SLC38A8: variants seen among roughly 807,000 people sequenced by gnomAD.
The protein encoded by SLC38A8 is solute carrier family 38 member 8.
In SLC38A8, 65 loss-of-function variants were observed where a neutral mutation model predicts 46.0. That is an observed-to-expected ratio of 1.41 (90% CI 1.16 to 1.74). SLC38A8 has a LOEUF of 1.74. Ranked by LOEUF, SLC38A8 falls within the 40% of genes most tolerant of loss-of-function variation. SLC38A8 has a pLI of 0.00. For synonymous variants in SLC38A8, 447 were observed against 243.7 expected (o/e 1.83, Z -7.77); for missense variants, 998 against 567.9 (o/e 1.76, Z -7.70).
At chr16:84,017,743 A>T (rs7190846) in intron 7 of SLC38A8, among the ~76,000 whole-genome samples, 104,528 of 151,802 alleles carry the variant, frequency 0.69, 37,628 homozygotes, top group African/African-American at 0.89. Context: ...GACTGAGGAC[A>T]AGAGCGCCAT....
chr16:84,037,211 T>C (rs182715429), intron 2 of SLC38A8, among the ~76,000 whole-genome samples: 87 of 152,324 alleles, frequency 5.7e-4, no homozygotes, highest in Middle Eastern at 6.8e-3. Flanking sequence ...GTGTTTAAGT[T>C]ACTCTCCTAA....
chr16:84,039,505 G>A (rs746228380), intron 2 of SLC38A8, among the ~76,000 whole-genome samples: 8 of 152,152 alleles, frequency 5.3e-5, no homozygotes, highest in Admixed American at 2.0e-4. Context: ...AGCACTTTGG[G>A]AGGCCAAGGC....
intron 7 of SLC38A8, among the ~76,000 whole-genome samples, chr16:84,021,271 C>T (rs143802886): frequency 7.2e-5 from 11 of 152,252 alleles, no homozygotes; most frequent in African/African-American, 2.4e-4. Context: ...TACCATGTTT[C>T]ACAGGCTGGT....
At chr16:84,018,906 C>G (rs926589403) in intron 7 of SLC38A8, among the ~76,000 whole-genome samples, 1 of 152,012 alleles carries the variant, frequency 6.6e-6, no homozygotes, top group African/African-American at 2.4e-5. Context: ...AAGGCTAGTT[C>G]AATAAGTGGA....
intron 3 of SLC38A8, among the ~76,000 whole-genome samples, chr16:84,035,214 G>A (rs577621950): frequency 1.3e-5 from 2 of 152,230 alleles, no homozygotes; most frequent in Admixed American, 6.5e-5. Flanking sequence ...TGAAACTGCA[G>A]ACGAACTCTA....
At chr16:84,037,777 A>G (rs1166002180) in intron 2 of SLC38A8, among the ~76,000 whole-genome samples, 3 of 135,530 alleles carry the variant, frequency 2.2e-5, no homozygotes, top group Admixed American at 7.4e-5. Flanking sequence ...AAAAAAGAGA[A>G]AAGAAAACAT....
intron 6 of SLC38A8, among the ~76,000 whole-genome samples, chr16:84,028,848 G>A (rs1020303551): frequency 1.6e-4 from 24 of 152,098 alleles, no homozygotes; most frequent in African/African-American, 5.1e-4. Context: ...TCACCTGGCT[G>A]CTGCCCATAC....
At chr16:84,016,106 G>A (rs1159132237) in intron 9 of SLC38A8, among the ~76,000 whole-genome samples, 1 of 147,772 alleles carries the variant, frequency 6.8e-6, no homozygotes, top group African/African-American at 2.5e-5. Flanking sequence ...TGGCAGGCAG[G>A]CAAGAGAGCT....
intron 2 of SLC38A8, among the ~76,000 whole-genome samples, chr16:84,039,756 A>C (rs2085346856): frequency 2.4e-5 from 3 of 125,234 alleles, no homozygotes; most frequent in African/African-American, 9.7e-5. Context: ...AAAAAAAAAA[A>C]AAAAAAAAAA....
intron 3 of SLC38A8, 103 bp downstream of exon 3, chr16:84,036,599 C>CA (rs1422247008): frequency 4.5e-6 from 6 of 1,342,246 alleles, no homozygotes; most frequent in Non-Finnish European, 6.2e-6. Flanking sequence ...TGCTGTCCCT[C>CA]AGGGCCCAGG....
At chr16:84,023,747 A>T (rs1032941707) in intron 6 of SLC38A8, among the ~76,000 whole-genome samples, 9 of 152,216 alleles carry the variant, frequency 5.9e-5, no homozygotes, top group African/African-American at 2.2e-4. Flanking sequence ...TACAAAAATT[A>T]GCCGGGCATG....
intron 7 of SLC38A8, among the ~76,000 whole-genome samples, chr16:84,020,368 A>G (rs9938837): frequency 0.21 from 31,764 of 151,816 alleles, 5,481 homozygotes; most frequent in African/African-American, 0.48. Flanking sequence ...CTGGCCTCGA[A>G]CTCCTGGCCT....
chr16:84,022,145 G>A (rs1188329470), intron 7 of SLC38A8, among the ~76,000 whole-genome samples: 1 of 152,170 alleles, frequency 6.6e-6, no homozygotes, highest in Admixed American at 6.6e-5. Context: ...ATAACACACA[G>A]GAGTCCAAGG....
At chr16:84,029,431 G>T in intron 6 of SLC38A8, 63 bp downstream of exon 6, 1 of 1,565,988 alleles carries the variant, frequency 6.4e-7, no homozygotes, top group Non-Finnish European at 8.8e-7. Context: ...TTTCCCAAGG[G>T]AGCAGAGAGT....
At chr16:84,038,882 C>G (rs1306173053) in intron 2 of SLC38A8, among the ~76,000 whole-genome samples, 1 of 152,224 alleles carries the variant, frequency 6.6e-6, no homozygotes, top group African/African-American at 2.4e-5. Flanking sequence ...CTGAATAGAT[C>G]ACAATTAGCT....
At chr16:84,021,423 C>T (rs982985507) in intron 7 of SLC38A8, among the ~76,000 whole-genome samples, 1 of 152,186 alleles carries the variant, frequency 6.6e-6, no homozygotes. Flanking sequence ...CACAGTTCAG[C>T]CAAATTATTT....
intron 4 of SLC38A8, among the ~76,000 whole-genome samples, chr16:84,032,401 C>G (rs752031304): frequency 1.8e-4 from 28 of 152,164 alleles, no homozygotes; most frequent in Non-Finnish European, 2.9e-4. Context: ...GTTGGTCAGG[C>G]TGGTTTTGAA....
intron 6 of SLC38A8, among the ~76,000 whole-genome samples, 182 bp downstream of exon 6, chr16:84,029,312 C>G (rs2085208609): frequency 6.6e-6 from 1 of 152,230 alleles, no homozygotes; most frequent in South Asian, 2.1e-4. Context: ...CAGACACCAA[C>G]CCATCCTCAT....
At chr16:84,031,261 G>A (rs1168325980) in intron 5 of SLC38A8, among the ~76,000 whole-genome samples, 1 of 151,986 alleles carries the variant, frequency 6.6e-6, no homozygotes, top group Non-Finnish European at 1.5e-5. Flanking sequence ...GGTTGGTTTT[G>A]AACTCCTGAC....
Sources: allele counts gnomAD v4.1 joint callset (sites outside exome capture counted in the v4.1 genomes callset), GRCh38; gene constraint gnomAD v4.1.1; transcripts MANE v1.5; gene names NCBI Gene and HGNC (gene_info 2026-07-23, HGNC 2026-07-21).